Variants in PKIG observed in about 807,000 individuals in gnomAD.
The protein encoded by PKIG is cAMP-dependent protein kinase inhibitor gamma.
PKIG carries 1 observed loss-of-function variant against 6.8 expected under a neutral mutation model. The observed-to-expected ratio is 0.15, with a 90% confidence interval of 0.05 to 0.69. PKIG has a LOEUF of 0.69. Ranked by LOEUF, PKIG falls within the 30% of genes least tolerant of loss-of-function variation. The pLI, the probability that PKIG is intolerant of heterozygous loss-of-function variation, is 0.82. For missense variants in PKIG, 77 were observed against 104.0 expected (o/e 0.74, Z 1.13); for synonymous variants, 39 against 43.0 (o/e 0.91, Z 0.36).
intron 1 of PKIG, among the ~76,000 whole-genome samples, chr20:44,561,547 A>G (rs1442578748): frequency 2.0e-5 from 3 of 152,248 alleles, no homozygotes; most frequent in African/African-American, 7.2e-5. Flanking sequence ...TAAAAAATGT[A>G]AAATATAGAA....
At chr20:44,603,697 C>T (rs772454590) in intron 2 of PKIG, among the ~76,000 whole-genome samples, 1 of 152,134 alleles carries the variant, frequency 6.6e-6, no homozygotes. Flanking sequence ...GGATGTCTTT[C>T]GGTTAGATTC....
At chr20:44,615,309 A>T (rs1310972103) in intron 3 of PKIG, among the ~76,000 whole-genome samples, 1 of 152,150 alleles carries the variant, frequency 6.6e-6, no homozygotes, top group Admixed American at 6.5e-5. Flanking sequence ...AGCCTCTCCA[A>T]GGGGCCTTCT....
At chr20:44,555,283 C>G (rs1021163776) in intron 1 of PKIG, among the ~76,000 whole-genome samples, 2 of 152,068 alleles carry the variant, frequency 1.3e-5, no homozygotes, top group African/African-American at 4.8e-5. Context: ...TTGTTTTATT[C>G]CTTTTACAAA....
At chr20:44,553,636 T>C (rs1456578390) in intron 1 of PKIG, among the ~76,000 whole-genome samples, 2 of 152,224 alleles carry the variant, frequency 1.3e-5, no homozygotes, top group Non-Finnish European at 2.9e-5. Flanking sequence ...ATCTGTGATA[T>C]ACTTGGTGCT....
At chr20:44,553,239 A>G (rs7267239) in intron 1 of PKIG, among the ~76,000 whole-genome samples, 2,770 of 152,248 alleles carry the variant, frequency 0.018, 89 homozygotes, top group African/African-American at 0.064. Flanking sequence ...ATTCCATCCC[A>G]GGAAAGGCTA....
intron 1 of PKIG, among the ~76,000 whole-genome samples, chr20:44,577,025 A>C (rs145720596): frequency 7.2e-5 from 11 of 152,288 alleles, no homozygotes; most frequent in African/African-American, 2.2e-4. Context: ...TACGTTGAGC[A>C]ATGTCTTAGT....
chr20:44,583,887 G>A (rs1413768745), intron 1 of PKIG, among the ~76,000 whole-genome samples: 3 of 152,174 alleles, frequency 2.0e-5, no homozygotes, highest in African/African-American at 7.2e-5. Flanking sequence ...ACAGTTAAAA[G>A]AAGACATAAA....
At chr20:44,539,736 C>T (rs1252773579) in intron 1 of PKIG, among the ~76,000 whole-genome samples, 2 of 151,354 alleles carry the variant, frequency 1.3e-5, no homozygotes, top group Non-Finnish European at 3.0e-5. Context: ...TGTAAACTTT[C>T]TTAAAACATT....
At chr20:44,571,487 C>T (rs942007228) in intron 1 of PKIG, among the ~76,000 whole-genome samples, 1 of 152,176 alleles carries the variant, frequency 6.6e-6, no homozygotes, top group Non-Finnish European at 1.5e-5. Flanking sequence ...TGTCTACCAT[C>T]ATCCATTATA....
intron 1 of PKIG, among the ~76,000 whole-genome samples, chr20:44,544,990 C>T (rs1017695363): frequency 2.1e-4 from 24 of 115,886 alleles, no homozygotes; most frequent in African/African-American, 8.2e-4. Flanking sequence ...AGCTGGAGTA[C>T]GGTGGCACAA....
chr20:44,597,342 A>G (rs917018375), intron 2 of PKIG, among the ~76,000 whole-genome samples: 1 of 150,044 alleles, frequency 6.7e-6, no homozygotes, highest in African/African-American at 2.5e-5. Context: ...CCCCCCTACT[A>G]CCACTGGTTA....
chr20:44,587,062 T>C (rs1351090830), intron 1 of PKIG, among the ~76,000 whole-genome samples: 1 of 152,192 alleles, frequency 6.6e-6, no homozygotes, highest in Non-Finnish European at 1.5e-5. Flanking sequence ...ACTTTATCAG[T>C]GTAGTCTTTA....
intron 1 of PKIG, among the ~76,000 whole-genome samples, chr20:44,561,785 TACA>T (rs1316326280): frequency 2.0e-5 from 3 of 152,140 alleles, no homozygotes; most frequent in Non-Finnish European, 4.4e-5. Flanking sequence ...TAATTAGAAT[TACA>T]AAATGAGTGG....
upstream of PKIG, among the ~76,000 whole-genome samples, chr20:44,580,348 T>C: frequency 6.6e-6 from 1 of 151,458 alleles, no homozygotes; most frequent in East Asian, 1.9e-4. Flanking sequence ...TTGTTTTTTG[T>C]TTTTTGTTTT....
At chr20:44,611,891 G>A (rs1227652033) in intron 2 of PKIG, among the ~76,000 whole-genome samples, 1 of 151,808 alleles carries the variant, frequency 6.6e-6, no homozygotes, top group African/African-American at 2.4e-5. Context: ...TCTGTGTCTG[G>A]CTTATTTCAC....
chr20:44,618,586 G>C lies in PKIG; in HGVS notation c.*222G>C. 4.0e-6 allele frequency: 2 copies of C among 497,468 alleles called. No individual in the cohort carries two copies. The highest frequency in any genetic ancestry group is 4.1e-5 in the South Asian group (2 of 48,238). The allele number at this position is 497,468 out of a possible 1,614,324, so 30.8% of individuals were successfully genotyped here. On this transcript the variant is annotated 3_prime_UTR_variant, in exon 4 of 4. Coordinates refer to ENST00000372886, the MANE Select transcript of PKIG (RefSeq NM_001281445.2). ...CCCACCACCTTCGCACCGTGCCCAGGTACACTTTCAAGACACTGTAACCAC... is the reference window on the plus strand; with the variant it reads ...CCCACCACCTTCGCACCGTGCCCAGCTACACTTTCAAGACACTGTAACCAC...
At chr20:44,583,117 T>A (rs1379495658) in intron 1 of PKIG, among the ~76,000 whole-genome samples, 1 of 152,212 alleles carries the variant, frequency 6.6e-6, no homozygotes, top group Non-Finnish European at 1.5e-5. Context: ...TTTTTAAACA[T>A]TCTAGAAAGA....
Position 44,618,420 on chromosome 20 carries a change from G to GACA in PKIG, c.*56_*57insACA. On this transcript the variant is annotated 3_prime_UTR_variant, in exon 4 of 4. Coordinates refer to ENST00000372886, the MANE Select transcript of PKIG (RefSeq NM_001281445.2). ...AGACCTTCTGTCCCCTCCCAGAGGG[G>GACA]GAACCCTGGCACTGGCCCAGCAGCC... 4.9e-6 allele frequency: 6 copies of GACA among 1,225,864 alleles called. No individual in the cohort carries two copies. The highest frequency in any genetic ancestry group is 7.3e-6 in the Non-Finnish European group (6 of 826,456). The allele number at this position is 1,225,864 out of a possible 1,614,324, so 75.9% of individuals were successfully genotyped here.
intron 1 of PKIG, among the ~76,000 whole-genome samples, chr20:44,539,283 G>A (rs1406466663): frequency 6.6e-6 from 1 of 151,926 alleles, no homozygotes; most frequent in Non-Finnish European, 1.5e-5. Flanking sequence ...GTGTTCACTG[G>A]GATCCAAACA....
Sources: allele counts gnomAD v4.1 joint callset (sites outside exome capture counted in the v4.1 genomes callset), GRCh38; gene constraint gnomAD v4.1.1; transcripts MANE v1.5; gene names NCBI Gene and HGNC (gene_info 2026-07-23, HGNC 2026-07-21).